The following BMPER variants were observed in gnomAD, a reference collection of about 807,000 sequenced individuals.
BMPER encodes the protein BMP-binding endothelial regulator protein.
Under a neutral mutation model 87.3 loss-of-function variants are expected in BMPER, and 45 were observed. The ratio of observed to expected loss-of-function variants is 0.52; its 90% CI spans 0.41 to 0.66. BMPER has a LOEUF of 0.66. Ranked by LOEUF, BMPER falls within the 30% of genes least tolerant of loss-of-function variation. BMPER has a pLI of 0.00. For synonymous variants in BMPER, 326 were observed against 316.2 expected (o/e 1.03, Z -0.33); for missense variants, 784 against 867.5 (o/e 0.90, Z 1.21).
intron 3 of BMPER, among the ~76,000 whole-genome samples, chr7:33,959,491 G>C (rs1279280245): frequency 6.6e-6 from 1 of 152,126 alleles, no homozygotes; most frequent in Admixed American, 6.5e-5. Context: ...GAGAGGCAAT[G>C]AGAGCTGACT....
rs138859314 is a variant in BMPER, at chr7:34,050,380, CACTT to C, written c.677-1480_677-1477del. Among the ~76,000 whole-genome samples the C allele has an allele frequency of 2.0e-3, 298 of 152,054 alleles. 2 individuals are homozygous for C. The highest frequency in any genetic ancestry group is 6.6e-3 in the African/African-American group (272 of 41,480). On this transcript the variant is annotated intron_variant, in intron 7 of 14. Transcript: ENST00000649409. The stretch of plus-strand genomic sequence containing the variant: ...CATATGTAAGATCCAAATTATAACT[CACTT>C]CCACCTTTTGAGGGCCAACAAGTTT...
chr7:34,025,948 G>C (rs1028396823), intron 6 of BMPER, among the ~76,000 whole-genome samples: 1 of 152,018 alleles, frequency 6.6e-6, no homozygotes, highest in Non-Finnish European at 1.5e-5. Flanking sequence ...GGCAGGGTCA[G>C]GGTAATGAGT....
chr7:34,088,007 A>C (rs1789264448), intron 13 of BMPER, among the ~76,000 whole-genome samples: 1 of 152,238 alleles, frequency 6.6e-6, no homozygotes, highest in Non-Finnish European at 1.5e-5. Flanking sequence ...AGAGCATTGG[A>C]TTCCTTAGGT....
chr7:33,964,262 A>G lies in BMPER; in HGVS notation c.320-2217A>G, dbSNP rs1042717063. Among the ~76,000 whole-genome samples, 3 of 152,162 alleles carry G rather than the reference A, an allele frequency of 2.0e-5. No homozygotes were observed. In the East Asian group the frequency reaches 5.8e-4, roughly 29 times the overall value. On this transcript the variant is annotated intron_variant, in intron 3 of 14. Transcript: ENST00000649409. ...TAGTGCTTGATATACTGAAGTCTCC[A>G]TAAGTAGTTGATGGTAGTGAGGGTA...
At chr7:34,043,628 G>C (rs1296159538) in intron 6 of BMPER, among the ~76,000 whole-genome samples, 2 of 152,096 alleles carry the variant, frequency 1.3e-5, no homozygotes, top group Non-Finnish European at 2.9e-5. Flanking sequence ...AGCAGGGGTG[G>C]GGCATGCTCA....
At chr7:33,995,476 G>T (rs1025186244) in intron 6 of BMPER, among the ~76,000 whole-genome samples, 1 of 152,160 alleles carries the variant, frequency 6.6e-6, no homozygotes, top group Non-Finnish European at 1.5e-5. Context: ...TATCATGGAT[G>T]CTGCTGAATG....
chr7:33,907,622 G>A (rs550069532), intron 2 of BMPER, among the ~76,000 whole-genome samples: 23 of 152,288 alleles, frequency 1.5e-4, no homozygotes, highest in African/African-American at 5.5e-4. Context: ...GGGAGATTAA[G>A]TAATGTGAAT....
chr7:34,050,360 GT>G (rs1788116295), intron 7 of BMPER, among the ~76,000 whole-genome samples: 1 of 152,096 alleles, frequency 6.6e-6, no homozygotes, highest in South Asian at 2.1e-4. Flanking sequence ...GAGTCCATAT[GT>G]AAGATCCAAA....
intron 13 of BMPER, among the ~76,000 whole-genome samples, chr7:34,113,519 G>C (rs989671689): frequency 6.7e-6 from 1 of 149,264 alleles, no homozygotes; most frequent in South Asian, 2.1e-4. Context: ...ATTTATTTTG[G>C]CCAGCATATT....
chr7:34,153,378 C>A lies in BMPER; in HGVS notation c.*105C>A. 8.7e-7 allele frequency: 1 copy of A among 1,145,492 alleles called. No individual in the cohort carries two copies. Among genetic ancestry groups the A allele is most frequent in the Non-Finnish European group, 1.3e-6 (1 of 764,466 alleles). 71.0% of individuals were successfully genotyped at this position (1,145,492 alleles called of 1,614,324 possible). ...TTGTGTGCCCGATTCTGTAAACACA[C>A]ACACACAGAGTATATATGTGTATAT... is the stretch of plus-strand genomic sequence containing the variant. On this transcript the variant is annotated 3_prime_UTR_variant, in exon 15 of 15. Coordinates refer to ENST00000649409, the MANE Select transcript of BMPER (RefSeq NM_001365308.1).
chr7:34,089,758 A>C (rs1789328460), intron 13 of BMPER, among the ~76,000 whole-genome samples: 1 of 152,152 alleles, frequency 6.6e-6, no homozygotes, highest in Non-Finnish European at 1.5e-5. Context: ...TGCTGGGATT[A>C]CAGGTGTGAG....
intron 3 of BMPER, among the ~76,000 whole-genome samples, chr7:33,965,261 G>T (rs536156958): frequency 5.5e-4 from 84 of 152,320 alleles, no homozygotes; most frequent in African/African-American, 1.9e-3. Context: ...GAACTAGAGA[G>T]CAGAGTATTA....
At chr7:34,136,845 T>C (rs1790733714) in intron 13 of BMPER, among the ~76,000 whole-genome samples, 1 of 152,222 alleles carries the variant, frequency 6.6e-6, no homozygotes, top group South Asian at 2.1e-4. Context: ...CTGGCACCTG[T>C]CACTCCTGGC....
At chr7:34,104,461 A>G (rs1013108641) in intron 13 of BMPER, among the ~76,000 whole-genome samples, 1 of 152,214 alleles carries the variant, frequency 6.6e-6, no homozygotes, top group African/African-American at 2.4e-5. Context: ...TGGCTGCATA[A>G]CAATGATTGC....
At chr7:33,961,763 C>T (rs761952733) in intron 3 of BMPER, among the ~76,000 whole-genome samples, 2 of 152,024 alleles carry the variant, frequency 1.3e-5, no homozygotes, top group Non-Finnish European at 2.9e-5. Flanking sequence ...GGGTCAGAAG[C>T]CAGATTGCCT....
chr7:34,026,430 C>T (rs1199627324), intron 6 of BMPER, among the ~76,000 whole-genome samples: 1 of 152,058 alleles, frequency 6.6e-6, no homozygotes, highest in Non-Finnish European at 1.5e-5. Flanking sequence ...ACTTCTCATG[C>T]AGTTTTCTTC....
rs1326725478 is a variant in BMPER at position 34,139,053 on chromosome 7, A to C, written c.1746-4177A>C. Among the ~76,000 whole-genome samples, 3 of 152,244 alleles carry C rather than the reference A, an allele frequency of 2.0e-5. No homozygotes were observed. The East Asian group carries it at 5.8e-4, about 29-fold the overall frequency. On this transcript the variant is annotated intron_variant, in intron 13 of 14. Coordinates refer to ENST00000649409, the MANE Select transcript of BMPER (RefSeq NM_001365308.1). ...CATAACTTAGATTTTCCTCACACTG[A>C]ATTATGAAGTGTGATAAACATGAAT...
intron 3 of BMPER, among the ~76,000 whole-genome samples, chr7:33,953,010 G>A (rs1488890629): frequency 6.6e-6 from 1 of 152,222 alleles, no homozygotes; most frequent in Non-Finnish European, 1.5e-5. Context: ...GGTGGTTGGA[G>A]GGCTGAAGAT....
intron 13 of BMPER, among the ~76,000 whole-genome samples, chr7:34,108,251 G>T (rs1251027371): frequency 6.6e-6 from 1 of 152,194 alleles, no homozygotes; most frequent in South Asian, 2.1e-4. Flanking sequence ...CCTACATGGG[G>T]GTTGTACACT....
Sources: allele counts gnomAD v4.1 joint callset (sites outside exome capture counted in the v4.1 genomes callset), GRCh38; gene constraint gnomAD v4.1.1; transcripts MANE v1.5; gene names NCBI Gene and HGNC (gene_info 2026-07-23, HGNC 2026-07-21).